Variants in MARK3 observed in about 807,000 individuals in gnomAD.
MARK3 encodes the protein microtubule affinity regulating kinase 3, also known as MAP/microtubule affinity-regulating kinase 3.
A neutral mutation model predicts 90.1 loss-of-function variants in MARK3; 46 were observed. That is an observed-to-expected ratio of 0.51 (90% CI 0.40 to 0.65). The LOEUF is 0.65. MARK3 is among the 30% of genes least tolerant of loss of function. The pLI is 0.00. For synonymous variants in MARK3, 321 were observed against 332.6 expected (o/e 0.97, Z 0.38); for missense variants, 818 against 947.2 (o/e 0.86, Z 1.79).
chr14:103,462,434 GA>G lies in MARK3; in HGVS notation c.516del (p.Lys172AsnfsTer15). 3 of 1,604,892 alleles carry G rather than the reference GA, an allele frequency of 1.9e-6. No individual in the cohort carries two copies. Among genetic ancestry groups the G allele is most frequent in the Non-Finnish European group, 2.6e-6 (3 of 1,172,372 alleles). ...TGTCTGCAGTTCAATACTGCCATCA[GA>G]AACGGATCGTACATCGAGACCTCAA... ...IVSAVQYCHQ[K>X]RIVHRDLKAE... On this transcript the variant is annotated frameshift_variant, in exon 7 of 18. Transcript: ENST00000429436. LOFTEE classifies it high-confidence loss of function.
intron 2 of MARK3, among the ~76,000 whole-genome samples, chr14:103,418,094 C>G (rs1443548280): frequency 6.6e-6 from 1 of 151,826 alleles, no homozygotes; most frequent in African/African-American, 2.4e-5. Context: ...GTGTGTGTGT[C>G]TCCTCTTCTC....
intron 7 of MARK3, among the ~76,000 whole-genome samples, chr14:103,463,225 A>G (rs1342219621): frequency 6.7e-6 from 1 of 150,314 alleles, no homozygotes; most frequent in Non-Finnish European, 1.5e-5. Context: ...TTTCATAGCC[A>G]TATTTCTCTA....
At chr14:103,474,877 T>C (rs2141753971) in intron 12 of MARK3, 116 bp from the exon 13 acceptor site, 2 of 730,480 alleles carry the variant, frequency 2.7e-6, no homozygotes, top group Non-Finnish European at 4.5e-6. Flanking sequence ...GATTTTACTG[T>C]TTTACATTTT....
At chr14:103,445,689 C>G (rs1391655588) in intron 3 of MARK3, among the ~76,000 whole-genome samples, 11 of 152,194 alleles carry the variant, frequency 7.2e-5, no homozygotes, top group Admixed American at 6.5e-4. Flanking sequence ...CTAACAAATT[C>G]CTCCAGAACT....
intron 13 of MARK3, among the ~76,000 whole-genome samples, chr14:103,476,017 T>C (rs2093708705): frequency 6.6e-6 from 1 of 151,956 alleles, no homozygotes; most frequent in Admixed American, 6.6e-5. Context: ...AAGACTCATC[T>C]CCAAATACTG....
chr14:103,450,875 AGTGTG>A (rs1221249663), intron 4 of MARK3, among the ~76,000 whole-genome samples: 2 of 114,880 alleles, frequency 1.7e-5, no homozygotes, highest in African/African-American at 6.5e-5. Flanking sequence ...TCATTTTTAA[AGTGTG>A]TGTGTGTGTG....
chr14:103,386,823 C>T (rs1019242547), intron 1 of MARK3, among the ~76,000 whole-genome samples: 1 of 152,192 alleles, frequency 6.6e-6, no homozygotes, highest in Non-Finnish European at 1.5e-5. Context: ...TCTTAGGTCC[C>T]TTTCAGCGCT....
chr14:103,465,926 C>G, intron 8 of MARK3, 46 bp from the exon 9 acceptor site: 1 of 1,594,014 alleles, frequency 6.3e-7, no homozygotes, highest in Non-Finnish European at 8.5e-7. Flanking sequence ...TTAACTAAAC[C>G]TAAAGGTTGA....
chr14:103,477,453 T>C (rs1241862802), intron 13 of MARK3, among the ~76,000 whole-genome samples: 2 of 151,728 alleles, frequency 1.3e-5, no homozygotes, highest in African/African-American at 4.8e-5. Context: ...GATTGTGTCA[T>C]TGCACTCCAG....
intron 3 of MARK3, among the ~76,000 whole-genome samples, chr14:103,437,415 A>G (rs962545520): frequency 2.0e-5 from 3 of 152,144 alleles, no homozygotes; most frequent in Non-Finnish European, 4.4e-5. Context: ...ATACATTATA[A>G]ACTGAGAATA....
In MARK3 at chr14:103,456,730, A is replaced by T. The variant is rs543379914; in HGVS notation, c.413-412A>T. 1.7e-3 allele frequency among the ~76,000 whole-genome samples: 266 copies of T among 152,378 alleles called. 3 individuals are homozygous for T. The highest frequency in any genetic ancestry group is 3.1e-3 in the Non-Finnish European group (214 of 68,044). On this transcript the variant is annotated intron_variant, in intron 5 of 17. Transcript: ENST00000429436. Reference sequence around the variant, plus strand: ...CCTAGAACAGTGCCTTGCAGTTAGTAGACATTCAGGAAATATTTGTTGAAT... The same window carrying T: ...CCTAGAACAGTGCCTTGCAGTTAGTTGACATTCAGGAAATATTTGTTGAAT...
rs781575952 is a variant in MARK3 at position 103,451,951 on chromosome 14, C to A, written c.380C>A (p.Thr127Lys). The part of the protein sequence containing the change: ...KLFEVIETEK[T>K]LYLIMEYASG... Reference sequence around the variant, plus strand: ...TTCGAAGTCATTGAAACTGAAAAAACACTCTACCTAATCATGGAATATGCA... The same window carrying A: ...TTCGAAGTCATTGAAACTGAAAAAAAACTCTACCTAATCATGGAATATGCA... Residue 127 changes from threonine (T) to lysine (K), a missense_variant, in exon 5 of 18, where the codon ACA (threonine) becomes AAA (lysine). Transcript: ENST00000429436. The A allele has an allele frequency of 6.2e-7, 1 of 1,612,532 alleles. No individual in the cohort carries two copies. The highest frequency in any genetic ancestry group is 1.1e-5 in the South Asian group (1 of 90,776).
At chr14:103,494,332 A>G (rs1595939302) in intron 15 of MARK3, among the ~76,000 whole-genome samples, 1 of 151,392 alleles carries the variant, frequency 6.6e-6, no homozygotes, top group African/African-American at 2.4e-5. Context: ...CAGGTGGATC[A>G]CCTGAGGTCG....
At chr14:103,412,960 C>T (rs893526193) in intron 2 of MARK3, among the ~76,000 whole-genome samples, 5 of 151,600 alleles carry the variant, frequency 3.3e-5, no homozygotes, top group East Asian at 1.9e-4. Flanking sequence ...CCACAACCTC[C>T]GCCTCCTGGG....
chr14:103,437,461 A>G (rs2092743893), intron 3 of MARK3, among the ~76,000 whole-genome samples: 1 of 152,092 alleles, frequency 6.6e-6, no homozygotes, highest in African/African-American at 2.4e-5. Flanking sequence ...GTTTGTTTTT[A>G]GAATTGAGGT....
chr14:103,392,904 G>A (rs1044688313), intron 1 of MARK3, among the ~76,000 whole-genome samples: 2 of 151,960 alleles, frequency 1.3e-5, no homozygotes, highest in African/African-American at 2.4e-5. Flanking sequence ...CCGCCTCCCG[G>A]GTTCAAGCGA....
chr14:103,455,725 C>CAAAAAAAAA (rs57129835), intron 5 of MARK3, among the ~76,000 whole-genome samples: 1 of 84,052 alleles, frequency 1.2e-5, no homozygotes, highest in Non-Finnish European at 2.2e-5. Context: ...AACTCTGTCT[C>CAAAAAAAAA]AAAAAAAAAA....
intron 14 of MARK3, among the ~76,000 whole-genome samples, chr14:103,482,557 T>C (rs983845483): frequency 6.6e-6 from 1 of 151,972 alleles, no homozygotes; most frequent in African/African-American, 2.4e-5. Flanking sequence ...TTACTACTTC[T>C]AAATTCTGAA....
chr14:103,494,839 G>A (rs1373783757), intron 15 of MARK3, among the ~76,000 whole-genome samples: 2 of 152,202 alleles, frequency 1.3e-5, no homozygotes, highest in East Asian at 1.9e-4. Context: ...GTTTTATCAT[G>A]TTGGCCAGGC....
Sources: allele counts gnomAD v4.1 joint callset (sites outside exome capture counted in the v4.1 genomes callset), GRCh38; gene constraint gnomAD v4.1.1; transcripts MANE v1.5; gene names NCBI Gene and HGNC (gene_info 2026-07-23, HGNC 2026-07-21).